The following ITGA9 variants were observed in gnomAD, a reference collection of about 807,000 sequenced individuals.
ITGA9 encodes integrin alpha-9.
A neutral mutation model predicts 127.8 loss-of-function variants in ITGA9; 56 were observed. That is an observed-to-expected ratio of 0.44 (90% CI 0.35 to 0.55). The LOEUF is 0.55. ITGA9 is among the 20% of genes least tolerant of loss of function. The pLI is 0.00. For synonymous variants in ITGA9, 508 were observed against 514.5 expected (o/e 0.99, Z 0.17); for missense variants, 1,196 against 1,347.1 (o/e 0.89, Z 1.76).
intron 17 of ITGA9, among the ~76,000 whole-genome samples, chr3:37,665,835 G>T (rs1300242613): frequency 6.6e-6 from 1 of 152,164 alleles, no homozygotes; most frequent in African/African-American, 2.4e-5. Flanking sequence ...GGACATGTGG[G>T]TGTCTTCCGT....
intron 4 of ITGA9, among the ~76,000 whole-genome samples, chr3:37,487,331 A>AGGGT (rs1698620369): frequency 6.6e-6 from 1 of 151,932 alleles, no homozygotes; most frequent in African/African-American, 2.4e-5. Flanking sequence ...GAAGGGAGGG[A>AGGGT]GGCCCCAGAG....
chr3:37,513,925 C>T lies in ITGA9; in HGVS notation c.1035+25C>T, dbSNP rs759184910. ...TGTGAGTACAATACTGGGCAATGTG[C>T]GGATGGGTGTGGGGGAGGGACATTT... is the stretch of plus-strand genomic sequence containing the variant. On this transcript the variant is annotated intron_variant, in intron 9 of 27. Coordinates refer to ENST00000264741, the MANE Select transcript of ITGA9 (RefSeq NM_002207.3). 4.3e-5 allele frequency: 70 copies of T among 1,612,000 alleles called. No individual in the cohort carries two copies. In the East Asian group the frequency reaches 8.0e-4, roughly 18 times the overall value.
intron 4 of ITGA9, among the ~76,000 whole-genome samples, chr3:37,484,052 C>T (rs571961313): frequency 2.0e-5 from 3 of 152,298 alleles, no homozygotes; most frequent in Admixed American, 2.0e-4. Context: ...CCCAAAAATA[C>T]AATGGACTTA....
chr3:37,602,694 G>A (rs748126593), intron 15 of ITGA9, among the ~76,000 whole-genome samples: 2 of 151,924 alleles, frequency 1.3e-5, no homozygotes, highest in African/African-American at 2.4e-5. Context: ...ACAGTTTTTT[G>A]TTTAATAATG....
chr3:37,748,592 C>T (rs1197506969), intron 22 of ITGA9: 21 of 470,288 alleles, frequency 4.5e-5, no homozygotes, highest in Non-Finnish European at 6.9e-5. Context: ...TACTAAAATA[C>T]AAAAATTAGC....
chr3:37,713,595 G>T (rs1701101653), intron 18 of ITGA9, among the ~76,000 whole-genome samples: 1 of 152,198 alleles, frequency 6.6e-6, no homozygotes, highest in Admixed American at 6.5e-5. Context: ...TGGGGAGGGG[G>T]TGCGGGAGGT....
chr3:37,645,628 G>A (rs189158715), intron 16 of ITGA9, among the ~76,000 whole-genome samples: 27 of 152,234 alleles, frequency 1.8e-4, no homozygotes, highest in Non-Finnish European at 1.2e-4. Context: ...CTTGGTGTGG[G>A]ATTATTCAGT....
intron 17 of ITGA9, among the ~76,000 whole-genome samples, chr3:37,667,147 C>G (rs906493924): frequency 6.6e-6 from 1 of 152,164 alleles, no homozygotes; most frequent in African/African-American, 2.4e-5. Flanking sequence ...TAAAGACTCT[C>G]AGTTGATGAA....
intron 16 of ITGA9, among the ~76,000 whole-genome samples, chr3:37,632,636 T>C (rs1700239255): frequency 6.6e-6 from 1 of 152,150 alleles, no homozygotes; most frequent in Non-Finnish European, 1.5e-5. Context: ...ACCAAAATTA[T>C]CATAGACACA....
rs2125571759 is a variant in ITGA9 at position 37,822,065 on chromosome 3, A to G, written c.*3076A>G. ...CTCTCAGGGGAAGCAGATGGGGTGGATCAGTACATCTGTGTTACCCTTCCA... is the reference window on the plus strand; with the variant it reads ...CTCTCAGGGGAAGCAGATGGGGTGGGTCAGTACATCTGTGTTACCCTTCCA... On this transcript the variant is annotated 3_prime_UTR_variant, in exon 28 of 28. Coordinates refer to ENST00000264741, the MANE Select transcript of ITGA9 (RefSeq NM_002207.3). 1 of 152,214 alleles carries G rather than the reference A, an allele frequency of 6.6e-6. No homozygotes were observed. The highest frequency in any genetic ancestry group is 1.9e-4 in the East Asian group (1 of 5,142). 9.4% of individuals were successfully genotyped at this position (152,214 alleles called of 1,614,324 possible).
chr3:37,607,772 A>G (rs771445888), intron 15 of ITGA9, among the ~76,000 whole-genome samples: 6 of 152,226 alleles, frequency 3.9e-5, no homozygotes, highest in African/African-American at 9.7e-5. Flanking sequence ...GCAAAGCCCA[A>G]TGAACCTTGT....
intron 12 of ITGA9, among the ~76,000 whole-genome samples, chr3:37,524,084 A>G (rs981117064): frequency 3.3e-5 from 5 of 152,222 alleles, no homozygotes; most frequent in African/African-American, 9.6e-5. Flanking sequence ...TGGACAAAGC[A>G]GACCTTCACC....
chr3:37,613,730 T>C (rs1156880599), intron 15 of ITGA9, among the ~76,000 whole-genome samples: 3 of 152,264 alleles, frequency 2.0e-5, no homozygotes, highest in African/African-American at 4.8e-5. Context: ...ATGAGCATTG[T>C]TTCATGTGTC....
At chr3:37,640,239 C>G (rs1364008699) in intron 16 of ITGA9, among the ~76,000 whole-genome samples, 1 of 152,184 alleles carries the variant, frequency 6.6e-6, no homozygotes, top group Non-Finnish European at 1.5e-5. Flanking sequence ...TGGGTCCAAT[C>G]TAGTCACACG....
chr3:37,621,698 A>G (rs1272592044), intron 15 of ITGA9, among the ~76,000 whole-genome samples: 3 of 152,218 alleles, frequency 2.0e-5, no homozygotes, highest in Non-Finnish European at 4.4e-5. Context: ...AATTTTTGCA[A>G]ATATGTTAAT....
chr3:37,472,788 A>G (rs2125554065), intron 2 of ITGA9, among the ~76,000 whole-genome samples: 1 of 152,344 alleles, frequency 6.6e-6, no homozygotes, highest in East Asian at 1.9e-4. Flanking sequence ...GGTGCATAAC[A>G]AATTAAGGAG....
chr3:37,740,600 A>AG (rs1559584100), intron 20 of ITGA9, among the ~76,000 whole-genome samples: 1 of 152,062 alleles, frequency 6.6e-6, no homozygotes, highest in Non-Finnish European at 1.5e-5. Flanking sequence ...TCTGGTTTGC[A>AG]GGGGGGCCTT....
Position 37,804,819 on chromosome 3 carries a change from T to C in ITGA9, c.3009+877T>C, listed in dbSNP as rs1237169943. Reference sequence around the variant, plus strand: ...CTTTGGGATTACAAAATAATATGTATGTATTGACCTAACATAACATATCAA... The same window carrying C: ...CTTTGGGATTACAAAATAATATGTACGTATTGACCTAACATAACATATCAA... On this transcript the variant is annotated intron_variant, in intron 27 of 27. Transcript: ENST00000264741. 2.6e-5 allele frequency among the ~76,000 whole-genome samples: 4 copies of C among 152,186 alleles called. No homozygotes were observed. The East Asian group carries it at 7.7e-4, about 29-fold the overall frequency.
At chr3:37,613,376 G>A (rs1223022926) in intron 15 of ITGA9, among the ~76,000 whole-genome samples, 2 of 152,080 alleles carry the variant, frequency 1.3e-5, no homozygotes, top group Non-Finnish European at 2.9e-5. Context: ...TTGGACATTT[G>A]GGTTGGTTCC....
Sources: gnomAD v4.1 joint callset for allele counts (sites outside exome capture counted in the v4.1 genomes callset) on GRCh38, gnomAD v4.1.1 for gene constraint, MANE v1.5 for transcripts, NCBI Gene and HGNC (gene_info 2026-07-23, HGNC 2026-07-21) for gene names.